SNW1: variants seen among roughly 807,000 people sequenced by gnomAD.
SNW1 encodes SNW domain containing 1.
In SNW1, 9 loss-of-function variants were observed where a neutral mutation model predicts 75.6. The observed-to-expected ratio is 0.12, with a 90% confidence interval of 0.07 to 0.21. The LOEUF (loss-of-function observed/expected upper bound fraction) is 0.21, where lower values mean the gene tolerates loss of function less well. Ranked by LOEUF, SNW1 falls within the 10% of genes least tolerant of loss-of-function variation. The pLI, the probability that SNW1 is intolerant of heterozygous loss-of-function variation, is 1.00. For missense variants in SNW1, 409 were observed against 670.9 expected, an observed-to-expected ratio of 0.61 and a Z score of 4.31; for synonymous variants, 200 against 219.1, an observed-to-expected ratio of 0.91 and a Z score of 0.77.
intron 3 of SNW1, among the ~76,000 whole-genome samples, chr14:77,750,561 G>A (rs1316557902): frequency 5.3e-5 from 8 of 152,226 alleles, no homozygotes; most frequent in African/African-American, 1.4e-4. Flanking sequence ...AAAGTTTGGC[G>A]GGGAGAGAGA....
chr14:77,720,918 G>C, intron 11 of SNW1, 90 bp from the exon 12 acceptor site: 1 of 809,196 alleles, frequency 1.2e-6, no homozygotes, highest in Non-Finnish European at 2.1e-6. Flanking sequence ...CAGAAACAAA[G>C]GATGTGAATA....
At chr14:77,760,798 G>C (rs746462769) in intron 1 of SNW1, 1 of 709,998 alleles carries the variant, frequency 1.4e-6, no homozygotes, top group Non-Finnish European at 2.6e-6. Flanking sequence ...TCGTTCGCCC[G>C]AGCCGCGGAC....
chr14:77,738,909 G>C (rs1472331189), intron 4 of SNW1, 25 bp from the exon 5 acceptor site: 1 of 1,609,956 alleles, frequency 6.2e-7, no homozygotes, highest in Non-Finnish European at 8.5e-7. Flanking sequence ...ATCACATTGA[G>C]AGTTTGGAAG....
intron 1 of SNW1, among the ~76,000 whole-genome samples, chr14:77,759,118 T>C (rs1594812707): frequency 6.6e-6 from 1 of 151,792 alleles, no homozygotes; most frequent in East Asian, 2.0e-4. Context: ...CAAAGAATAC[T>C]GAGGAACACC....
intron 5 of SNW1, among the ~76,000 whole-genome samples, 157 bp from the exon 6 acceptor site, chr14:77,737,232 AG>A (rs1262308172): frequency 2.0e-5 from 3 of 152,266 alleles, no homozygotes; most frequent in African/African-American, 7.2e-5. Context: ...AGACAGCAAG[AG>A]GGATAAAAGA....
chr14:77,751,445 A>G lies in SNW1; in HGVS notation c.204T>C (p.His68=). The G allele has an allele frequency of 6.2e-7, 1 of 1,611,948 alleles. No individual in the cohort carries two copies. The highest frequency in any genetic ancestry group is 1.7e-5 in the Admixed American group (1 of 59,566). Reference sequence around the variant, plus strand: ...CCATATCCAGTGGATACTGGGCCACATGGATCTCTGGAAAAGCACCTCCAT... The same window carrying G: ...CCATATCCAGTGGATACTGGGCCACGTGGATCTCTGGAAAAGCACCTCCAT... The part of the protein sequence containing the change: ...FGDGGAFPEI[H]VAQYPLDMGR... The change falls in exon 3 of 14, where the codon CAT becomes CAC. Residue 68 remains histidine, a synonymous_variant. Transcript: ENST00000261531.
intron 12 of SNW1, 136 bp downstream of exon 12, chr14:77,720,575 A>G (rs753867191): frequency 1.3e-6 from 1 of 781,718 alleles, no homozygotes; most frequent in African/African-American, 1.7e-5. Flanking sequence ...TCTTGTCTCA[A>G]GTTTCAACAT....
intron 1 of SNW1, chr14:77,760,666 G>A (rs1338926746): frequency 5.7e-6 from 4 of 702,152 alleles, no homozygotes; most frequent in Non-Finnish European, 2.6e-6. Flanking sequence ...TCCTTGTTTC[G>A]GGACACCCAG....
intron 10 of SNW1, among the ~76,000 whole-genome samples, chr14:77,725,892 G>C (rs979211495): frequency 5.9e-5 from 9 of 152,206 alleles, no homozygotes; most frequent in African/African-American, 2.2e-4. Flanking sequence ...CTCCAGGCTG[G>C]ATGACAGAGT....
At chr14:77,757,912 A>G (rs541679572) in intron 1 of SNW1, among the ~76,000 whole-genome samples, 12 of 144,718 alleles carry the variant, frequency 8.3e-5, no homozygotes, top group South Asian at 2.3e-4. Flanking sequence ...CATCAAATCA[A>G]TCTAATCATC....
intron 12 of SNW1, among the ~76,000 whole-genome samples, chr14:77,719,733 T>C (rs1330065640): frequency 6.6e-6 from 1 of 152,206 alleles, no homozygotes; most frequent in Admixed American, 6.5e-5. Flanking sequence ...GTGTTTCAAT[T>C]TCCTCATCTA....
At chr14:77,756,863 C>G (rs2080845720) in intron 1 of SNW1, among the ~76,000 whole-genome samples, 1 of 152,108 alleles carries the variant, frequency 6.6e-6, no homozygotes, top group Non-Finnish European at 1.5e-5. Flanking sequence ...TAGGCAACAA[C>G]AGCAAAACTC....
At chr14:77,759,815 T>G (rs1345578573) in intron 1 of SNW1, among the ~76,000 whole-genome samples, 3 of 146,934 alleles carry the variant, frequency 2.0e-5, no homozygotes, top group African/African-American at 7.6e-5. Flanking sequence ...ATTTCTAGTT[T>G]TTTTTTAAAA....
In SNW1 at chr14:77,731,010, C is replaced by T; in HGVS notation, c.1011G>A (p.Gly337=). Residue 337 remains glycine, a synonymous_variant, in exon 10 of 14, where the codon GGG becomes GGA. Transcript: ENST00000261531. ...TACCTTTTTCCACATGAGTTTTGATCCCAGCTCTTCTCTCCCTGGCTTTCT... is the reference window on the plus strand; with the variant it reads ...TACCTTTTTCCACATGAGTTTTGATTCCAGCTCTTCTCTCCCTGGCTTTCT... ...MAQKARERRA[G]IKTHVEKEDG... is the part of the protein sequence containing the mutation. The T allele has an allele frequency of 6.2e-7, 1 of 1,613,956 alleles. No homozygotes were observed. Among genetic ancestry groups the T allele is most frequent in the Non-Finnish European group, 8.5e-7 (1 of 1,179,982 alleles).
At chr14:77,733,742 CAAAAAAA>C (rs35483765) in intron 8 of SNW1, among the ~76,000 whole-genome samples, 2 of 64,850 alleles carry the variant, frequency 3.1e-5, no homozygotes, top group South Asian at 7.8e-4. Flanking sequence ...GAGACCGTCT[CAAAAAAA>C]AAAAAAAAAA....
At chr14:77,757,204 T>C (rs886244427) in intron 1 of SNW1, among the ~76,000 whole-genome samples, 7 of 151,080 alleles carry the variant, frequency 4.6e-5, no homozygotes, top group Admixed American at 2.0e-4. Context: ...GAAAGACAGC[T>C]TAGTCTTGCA....
chr14:77,723,340 C>T (rs1048203750), intron 10 of SNW1, 63 bp from the exon 11 acceptor site: 35 of 1,211,040 alleles, frequency 2.9e-5, no homozygotes, highest in African/African-American at 2.3e-4. Flanking sequence ...TACGTGTACA[C>T]GTGTGTATAT....
chr14:77,756,771 C>G (rs767897230), intron 1 of SNW1, among the ~76,000 whole-genome samples: 12 of 152,082 alleles, frequency 7.9e-5, no homozygotes, highest in African/African-American at 2.9e-4. Flanking sequence ...TAATCCCACT[C>G]GGGAGGCTGA....
chr14:77,736,631 T>TA (rs2080675167), intron 6 of SNW1, among the ~76,000 whole-genome samples: 1 of 152,190 alleles, frequency 6.6e-6, no homozygotes. Flanking sequence ...TATACATATT[T>TA]AAAGCATACG....
Sources: allele counts gnomAD v4.1 joint callset (sites outside exome capture counted in the v4.1 genomes callset), GRCh38; gene constraint gnomAD v4.1.1; transcripts MANE v1.5; gene names NCBI Gene and HGNC (gene_info 2026-07-23, HGNC 2026-07-21).